The following GSN variants were observed in gnomAD, a reference collection of about 807,000 sequenced individuals.
GSN encodes the protein actin-depolymerizing factor.
Under a neutral mutation model 85.7 loss-of-function variants are expected in GSN, and 56 were observed. The observed-to-expected ratio is 0.65, with a 90% CI of 0.53 to 0.82. The LOEUF (loss-of-function observed/expected upper bound fraction) is 0.82. Ranked by LOEUF, GSN falls within the 40% of genes least tolerant of loss-of-function variation. The pLI is 0.00. For missense variants in GSN, 857 were observed against 979.8 expected, an observed-to-expected ratio of 0.87 and a Z score of 1.67; for synonymous variants, 373 against 399.1, an observed-to-expected ratio of 0.93 and a Z score of 0.78.
intron 6 of GSN, among the ~76,000 whole-genome samples, chr9:121,249,761 A>C (rs1180033929): frequency 3.9e-5 from 6 of 152,192 alleles, no homozygotes. Flanking sequence ...CCTGGTCACC[A>C]GTGATTGGAC....
At chr9:121,276,612 C>T (rs2056707782) in intron 1 of GSN, among the ~76,000 whole-genome samples, 1 of 152,256 alleles carries the variant, frequency 6.6e-6, no homozygotes, top group East Asian at 1.9e-4. Context: ...AATCGCCTGG[C>T]TCTACCCTCT....
At chr9:121,213,793 T>C (rs1588404398) in intron 4 of GSN, among the ~76,000 whole-genome samples, 1 of 152,142 alleles carries the variant, frequency 6.6e-6, no homozygotes, top group East Asian at 1.9e-4. Flanking sequence ...CCCAAGTCTC[T>C]CAGCACATGG....
chr9:121,321,805 C>T (rs1430171337), intron 11 of GSN, among the ~76,000 whole-genome samples: 2 of 152,026 alleles, frequency 1.3e-5, no homozygotes, highest in Admixed American at 1.3e-4. Flanking sequence ...TGCAGTGGTG[C>T]GGTCTCGCTC....
chr9:121,330,665 T>G (rs570291709), intron 16 of GSN, among the ~76,000 whole-genome samples: 12 of 152,330 alleles, frequency 7.9e-5, no homozygotes, highest in Middle Eastern at 6.8e-3. Context: ...ATTTTAGATA[T>G]GCATAAAAAT....
In GSN at chr9:121,332,699, A is replaced by AGTGT. The variant is rs147410423; in HGVS notation, c.*113_*116dup. The AGTGT allele has an allele frequency of 0.055, 38,592 of 706,862 alleles. 1,040 individuals carry two copies. Among genetic ancestry groups the AGTGT allele is most frequent in the Admixed American group, 0.16 (6,015 of 36,626 alleles). 43.8% of individuals were successfully genotyped at this position (706,862 alleles called of 1,614,324 possible). A position where few individuals can be genotyped will look rare whatever the true frequency, so the allele number is the denominator to read the frequency against. ...GAGCGAGCAGAGCAGCTCTGCTATGAGTGTGTGTGTGTGTGTGTGTTGTTT... is the reference window on the plus strand; with the variant it reads ...GAGCGAGCAGAGCAGCTCTGCTATGAGTGTGTGTGTGTGTGTGTGTGTGTTGTTT... On this transcript the variant is annotated 3_prime_UTR_variant, in exon 18 of 18. Transcript: ENST00000432226. This position sits in a 1 kb window ranked among gnomAD's most constrained non-coding sequence, Gnocchi z 4.8.
At chr9:121,325,017 G>C (rs1010376779) in intron 12 of GSN, among the ~76,000 whole-genome samples, 1 of 152,220 alleles carries the variant, frequency 6.6e-6, no homozygotes. Flanking sequence ...CACGGATGTG[G>C]AACCAGCATG....
At chr9:121,214,081 G>C (rs2054014199) in intron 4 of GSN, among the ~76,000 whole-genome samples, 1 of 152,160 alleles carries the variant, frequency 6.6e-6, no homozygotes, top group South Asian at 2.1e-4. Flanking sequence ...CTACCTCACA[G>C]GGTTTCGTGA....
intron 8 of GSN, chr9:121,317,428 C>G: frequency 1.7e-6 from 1 of 589,010 alleles, no homozygotes; most frequent in South Asian, 1.9e-5. Flanking sequence ...GATTCCTGAT[C>G]TGGGCTAAAA....
At position 121,324,633 on chromosome 9, in the gene GSN, ACCCC is replaced by A; in HGVS notation, c.1406_1409del (p.Thr469MetfsTer16). On this transcript the variant is annotated frameshift_variant, in exon 12 of 18. Coordinates refer to ENST00000432226, the MANE Select transcript of GSN (RefSeq NM_198252.3). LOFTEE classifies it high-confidence loss of function. ...TCAGCTGGATGAGGAGCTGGGAGGT[ACCCC>A]TGTCCAGGTGAGCCCAGCCCACCGC... 6.5e-7 allele frequency: 1 copy of A among 1,528,472 alleles called. No homozygotes were observed. Among genetic ancestry groups the A allele is most frequent in the Admixed American group, 2.0e-5 (1 of 50,990 alleles). The allele number at this position is 1,528,472 out of a possible 1,614,324, so 94.7% of individuals were successfully genotyped here. A position where few individuals can be genotyped will look rare whatever the true frequency, so the allele number is the denominator to read the frequency against.
intron 4 of GSN, among the ~76,000 whole-genome samples, chr9:121,228,740 T>TA (rs899142123): frequency 3.3e-5 from 5 of 151,988 alleles, no homozygotes; most frequent in Admixed American, 1.3e-4. Flanking sequence ...CCCTTTATTT[T>TA]AAAAAAATTC....
At position 121,332,167 on chromosome 9, in the gene GSN, G is replaced by A. The variant is rs1221691974; in HGVS notation, c.2027-267G>A. On this transcript the variant is annotated intron_variant, in intron 17 of 17. Transcript: ENST00000432226. This position sits in a 1 kb window ranked among gnomAD's most constrained non-coding sequence, Gnocchi z 4.8. ...TTGGTTCCCATATCTTCCAGTAGGG[G>A]ACTGCAAGGGAAAGTAATAAGCTTT... 1.3e-5 allele frequency among the ~76,000 whole-genome samples: 2 copies of A among 152,208 alleles called. No individual in the cohort carries two copies. Among genetic ancestry groups the A allele is most frequent in the African/African-American group, 2.4e-5 (1 of 41,450 alleles).
At chr9:121,262,559 T>G (rs760174115) in intron 6 of GSN, among the ~76,000 whole-genome samples, 41 of 152,358 alleles carry the variant, frequency 2.7e-4, no homozygotes, top group Middle Eastern at 6.8e-3. Flanking sequence ...AGTTTTGCTC[T>G]TTCCTGAAAA....
At chr9:121,205,679 C>T (rs2053870811), upstream of GSN, among the ~76,000 whole-genome samples, 5 of 152,094 alleles carry the variant, frequency 3.3e-5, no homozygotes, top group South Asian at 1.0e-3. Context: ...GAAGATATAG[C>T]AAATGTGTGA....
chr9:121,302,004 A>G lies in GSN; in HGVS notation c.33A>G (p.Ala11=), dbSNP rs770387509. 14 of 1,614,230 alleles carry G rather than the reference A, an allele frequency of 8.7e-6. No individual in the cohort carries two copies. Among genetic ancestry groups the G allele is most frequent in the South Asian group, 5.5e-5 (5 of 91,088 alleles). Residue 11 remains alanine, a synonymous_variant, in exon 3 of 18, where the codon GCA becomes GCG. Coordinates refer to ENST00000432226, the MANE Select transcript of GSN (RefSeq NM_198252.3). MVVEHPEFLK[A]GKEPGLQIWR... ...TGGAACACCCCGAGTTCCTCAAGGC[A>G]GGGAAGGAGCCTGGCCTGCAGATCT...
At chr9:121,278,456 C>G (rs2056931085) in intron 1 of GSN, among the ~76,000 whole-genome samples, 2 of 152,176 alleles carry the variant, frequency 1.3e-5, no homozygotes, top group African/African-American at 4.8e-5. Context: ...CAGTATCCCC[C>G]CATCCCACCT....
chr9:121,311,088 T>C (rs2061074004), intron 5 of GSN: 1 of 558,282 alleles, frequency 1.8e-6, no homozygotes, highest in South Asian at 2.0e-5. Flanking sequence ...TGTTCATATG[T>C]ACGTCTTGTG....
intron 4 of GSN, chr9:121,309,883 G>A (rs2060873824): frequency 6.6e-6 from 1 of 152,222 alleles, no homozygotes; most frequent in Admixed American, 6.5e-5. Flanking sequence ...GATCATTCAA[G>A]TCCAGGAGTT....
rs2055335847 is a variant in GSN, at chr9:121,268,226, G to C, written c.-103+7G>C. ...TCCAGTGCCGCAGCAGCAGGTAGGG[G>C]AGGCGCGCGGCCCCGGCCCCGGGCA... is the stretch of plus-strand genomic sequence containing the variant. On this transcript the variant is annotated splice_region_variant and intron_variant, in intron 1 of 17. Coordinates refer to ENST00000432226, the MANE Select transcript of GSN (RefSeq NM_198252.3). The C allele has an allele frequency of 6.6e-6, 1 of 152,426 alleles. No individual in the cohort carries two copies. Among genetic ancestry groups the C allele is most frequent in the Admixed American group, 6.5e-5 (1 of 15,278 alleles). The allele number at this position is 152,426 out of a possible 1,614,324, so 9.4% of individuals were successfully genotyped here. A position where few individuals can be genotyped will look rare whatever the true frequency, so the allele number is the denominator to read the frequency against.
chr9:121,321,501 A>G (rs1173568660), intron 11 of GSN, 100 bp downstream of exon 11: 6 of 1,140,598 alleles, frequency 5.3e-6, no homozygotes, highest in Non-Finnish European at 7.7e-6. Context: ...AGGTGGGACC[A>G]CCACTCCCTG....
Sources: gnomAD v4.1 joint callset for allele counts (sites outside exome capture counted in the v4.1 genomes callset) on GRCh38, gnomAD v4.1.1 for gene constraint, Gnocchi (gnomAD v3.1) non-coding constraint, MANE v1.5 for transcripts, NCBI Gene and HGNC (gene_info 2026-07-23, HGNC 2026-07-21) for gene names.